Variants in SOS1 observed in about 807,000 individuals in gnomAD.
SOS1 encodes son of sevenless homolog 1.
SOS1 carries 25 observed loss-of-function variants against 157.6 expected under a neutral mutation model. The observed-to-expected ratio is 0.16, with a 90% CI of 0.12 to 0.22. The LOEUF (loss-of-function observed/expected upper bound fraction) is 0.22, where lower values mean the gene tolerates loss of function less well. Ranked by LOEUF, SOS1 falls within the 10% of genes least tolerant of loss-of-function variation. SOS1 has a pLI of 1.00. For synonymous variants in SOS1, 528 were observed against 534.0 expected (o/e 0.99, Z 0.16); for missense variants, 1,237 against 1,599.1 (o/e 0.77, Z 3.86).
At chr2:39,023,920 A>C (rs1424084899) in intron 9 of SOS1, 90 bp downstream of exon 9, 2 of 879,524 alleles carry the variant, frequency 2.3e-6, no homozygotes, top group East Asian at 5.1e-5. Flanking sequence ...TATTTTCTTC[A>C]TTGTTTACTT....
Position 38,997,524 on chromosome 2 carries a change from T to C in SOS1, c.2792-99A>G, listed in dbSNP as rs1668936132. 2.5e-5 allele frequency: 19 copies of C among 745,264 alleles called. No individual in the cohort carries two copies. In the South Asian group the frequency reaches 3.4e-4, roughly 13 times the overall value. 46.2% of individuals were successfully genotyped at this position (745,264 alleles called of 1,614,324 possible). On this transcript the variant is annotated intron_variant, in intron 17 of 22. Coordinates refer to ENST00000402219, the MANE Select transcript of SOS1 (RefSeq NM_005633.4). Reference sequence around the variant, plus strand: ...GGTATATTACACTGTACCATCTCAGTTGCCAAAACAAAAGAACCAAGGCTC... The same window carrying C: ...GGTATATTACACTGTACCATCTCAGCTGCCAAAACAAAAGAACCAAGGCTC...
chr2:39,074,264 C>T (rs532276040), intron 1 of SOS1, among the ~76,000 whole-genome samples: 11 of 151,426 alleles, frequency 7.3e-5, no homozygotes, highest in African/African-American at 2.4e-4. Context: ...ACAGGAGAAT[C>T]GCTTGAACCC....
At chr2:39,071,758 T>C (rs982228311) in intron 1 of SOS1, among the ~76,000 whole-genome samples, 5 of 152,240 alleles carry the variant, frequency 3.3e-5, no homozygotes, top group Non-Finnish European at 5.9e-5. Flanking sequence ...TTCACTAATA[T>C]AGCTCCATTT....
At chr2:39,095,807 T>C (rs557860973) in intron 1 of SOS1, among the ~76,000 whole-genome samples, 33 of 152,320 alleles carry the variant, frequency 2.2e-4, no homozygotes, top group South Asian at 1.2e-3. Flanking sequence ...TTAGCAACAT[T>C]ACAGAATGGT....
intron 20 of SOS1, 112 bp downstream of exon 20, chr2:38,995,011 T>C: frequency 1.2e-6 from 1 of 834,306 alleles, no homozygotes; most frequent in Admixed American, 2.0e-5. Flanking sequence ...TGAAATGGCA[T>C]TTGACTTAAC....
rs992013519 is a variant in SOS1 at position 38,984,775 on chromosome 2, C to T, written c.*1049G>A. On this transcript the variant is annotated 3_prime_UTR_variant, in exon 23 of 23. Coordinates refer to ENST00000402219, the MANE Select transcript of SOS1 (RefSeq NM_005633.4). Reference sequence around the variant, plus strand: ...TTCAATTAAATTAAAACAGACCTGCCAGGTATATTATATAACATTCACTAT... The same window carrying T: ...TTCAATTAAATTAAAACAGACCTGCTAGGTATATTATATAACATTCACTAT... The T allele has an allele frequency of 6.6e-6, 1 of 152,020 alleles. No individual in the cohort carries two copies. Among genetic ancestry groups the T allele is most frequent in the South Asian group, 2.1e-4 (1 of 4,822 alleles). 9.4% of individuals were successfully genotyped at this position (152,020 alleles called of 1,614,324 possible). A position where few individuals can be genotyped will look rare whatever the true frequency, so the allele number is the denominator to read the frequency against.
At position 39,058,666 on chromosome 2, in the gene SOS1, G is replaced by A. The variant is rs372503853; in HGVS notation, c.345+7C>T. ...TAAAAGGCAAGAAGGCAGTAGTTCA[G>A]CATTACCTTTAATAAAGGATGAATT... is the stretch of plus-strand genomic sequence containing the variant. On this transcript the variant is annotated splice_region_variant and intron_variant, in intron 3 of 22. Coordinates refer to ENST00000402219, the MANE Select transcript of SOS1 (RefSeq NM_005633.4). 2.4e-5 allele frequency: 38 copies of A among 1,612,286 alleles called. 1 individual carries two copies. In the South Asian group the frequency reaches 4.2e-4, roughly 18 times the overall value.
At chr2:39,028,401 G>A (rs1670043063) in intron 8 of SOS1, among the ~76,000 whole-genome samples, 1 of 152,030 alleles carries the variant, frequency 6.6e-6, no homozygotes, top group Admixed American at 6.6e-5. Flanking sequence ...AAAATAAATT[G>A]TTGTACCCAG....
At chr2:39,106,590 C>CAAAAA (rs775720230) in intron 1 of SOS1, among the ~76,000 whole-genome samples, 965 of 30,946 alleles carry the variant, frequency 0.031, 55 homozygotes, top group African/African-American at 0.085. Context: ...GACTCCGTCT[C>CAAAAA]AAAAAAAAAA....
chr2:39,122,645 A>C (rs1441859883), upstream of SOS1, among the ~76,000 whole-genome samples: 1 of 151,388 alleles, frequency 6.6e-6, no homozygotes, highest in East Asian at 1.9e-4. Context: ...CATTTGAAAA[A>C]CTCCCCACTT....
intron 6 of SOS1, among the ~76,000 whole-genome samples, chr2:39,047,461 C>A (rs1344851478): frequency 6.6e-6 from 1 of 152,142 alleles, no homozygotes; most frequent in Non-Finnish European, 1.5e-5. Context: ...GTGGCTGTAC[C>A]AAATTACACC....
chr2:39,004,406 CAAAAA>C (rs60882005), intron 17 of SOS1, among the ~76,000 whole-genome samples: 2 of 66,534 alleles, frequency 3.0e-5, no homozygotes, highest in Non-Finnish European at 5.1e-5. Flanking sequence ...GACTCTGTGT[CAAAAA>C]AAAAAAAAAA....
At chr2:39,000,503 A>G (rs763360361) in intron 17 of SOS1, among the ~76,000 whole-genome samples, 16 of 152,130 alleles carry the variant, frequency 1.1e-4, no homozygotes, top group Non-Finnish European at 1.5e-5. Context: ...AACATACCCT[A>G]CCTCTGGAGG....
chr2:39,077,656 T>TG (rs1175275375), intron 1 of SOS1, among the ~76,000 whole-genome samples: 1 of 152,068 alleles, frequency 6.6e-6, no homozygotes, highest in Non-Finnish European at 1.5e-5. Flanking sequence ...ACCACCGTAA[T>TG]GGAGAGCTTG....
intron 5 of SOS1, among the ~76,000 whole-genome samples, chr2:39,053,366 T>C (rs1037252394): frequency 3.3e-5 from 5 of 152,224 alleles, no homozygotes; most frequent in African/African-American, 1.2e-4. Flanking sequence ...ATTAGTGATG[T>C]TGAACACCTT....
intron 6 of SOS1, among the ~76,000 whole-genome samples, chr2:39,042,313 A>G (rs1278668558): frequency 1.3e-5 from 2 of 152,200 alleles, no homozygotes; most frequent in African/African-American, 4.8e-5. Flanking sequence ...GACAACTGGT[A>G]TCATTACAGT....
intron 3 of SOS1, among the ~76,000 whole-genome samples, 197 bp from the exon 4 acceptor site, chr2:39,057,063 G>C (rs1480559151): frequency 6.6e-6 from 1 of 152,128 alleles, no homozygotes; most frequent in Non-Finnish European, 1.5e-5. Context: ...CTAAGAAAAG[G>C]CAAGGCAAAA....
chr2:39,011,596 C>T (rs184214580), intron 14 of SOS1, among the ~76,000 whole-genome samples: 2 of 152,240 alleles, frequency 1.3e-5, no homozygotes, highest in South Asian at 2.1e-4. Flanking sequence ...ATTTAAGATT[C>T]TAAGTAGTCT....
At chr2:39,034,920 T>C in intron 8 of SOS1, 2 of 511,966 alleles carry the variant, frequency 3.9e-6, no homozygotes, top group Non-Finnish European at 7.5e-6. Flanking sequence ...AAAGTAAAGG[T>C]ACAAGACAAA....
Sources: allele counts gnomAD v4.1 joint callset (sites outside exome capture counted in the v4.1 genomes callset), GRCh38; gene constraint gnomAD v4.1.1; transcripts MANE v1.5; gene names NCBI Gene and HGNC (gene_info 2026-07-23, HGNC 2026-07-21).